Variants in MAP3K13 observed in about 807,000 individuals in gnomAD.
The protein encoded by MAP3K13 is leucine zipper-bearing kinase.
In MAP3K13, 52 loss-of-function variants were observed where a neutral mutation model predicts 104.0. That is an observed-to-expected ratio of 0.50 (90% CI 0.40 to 0.63). The LOEUF is 0.63. Ranked by LOEUF, MAP3K13 falls within the 20% of genes least tolerant of loss-of-function variation. The pLI, the probability that MAP3K13 is intolerant of heterozygous loss-of-function variation, is 0.00. For missense variants in MAP3K13, 914 were observed against 1,218.5 expected (o/e 0.75, Z 3.72); for synonymous variants, 394 against 442.2 (o/e 0.89, Z 1.37).
intron 2 of MAP3K13, among the ~76,000 whole-genome samples, chr3:185,344,577 C>T (rs984536326): frequency 6.6e-6 from 1 of 152,218 alleles, no homozygotes; most frequent in Non-Finnish European, 1.5e-5. Flanking sequence ...ATATCATTAG[C>T]CATTTAATAA....
chr3:185,389,792 ATT>A (rs1711929802), intron 1 of MAP3K13, among the ~76,000 whole-genome samples: 1 of 86,648 alleles, frequency 1.2e-5, no homozygotes, highest in Non-Finnish European at 2.7e-5. Context: ...AAAACAAAAA[ATT>A]TGTTAAGTAT....
chr3:185,361,098 A>G (rs9755002), upstream of MAP3K13, among the ~76,000 whole-genome samples: 1,235 of 146,670 alleles, frequency 8.4e-3, 11 homozygotes, highest in African/African-American at 0.026. Context: ...ATATATATAT[A>G]TGTGTGTGTG....
chr3:185,380,678 T>C (rs1180441689), intron 1 of MAP3K13, among the ~76,000 whole-genome samples: 2 of 152,200 alleles, frequency 1.3e-5, no homozygotes, highest in Non-Finnish European at 2.9e-5. Context: ...TCTCAGACTT[T>C]TAATGTGCCT....
intron 4 of MAP3K13, among the ~76,000 whole-genome samples, chr3:185,446,969 G>A (rs1430648574): frequency 1.3e-5 from 2 of 152,058 alleles, no homozygotes; most frequent in Non-Finnish European, 2.9e-5. Flanking sequence ...TTTTCAGAAA[G>A]GTAGTGCACT....
intron 1 of MAP3K13, among the ~76,000 whole-genome samples, chr3:185,401,685 A>G (rs188601093): frequency 6.6e-6 from 1 of 152,370 alleles, no homozygotes; most frequent in Admixed American, 6.5e-5. Context: ...ACACGTACTT[A>G]TTAAAACATT....
At chr3:185,407,740 G>A (rs941134366) in intron 1 of MAP3K13, among the ~76,000 whole-genome samples, 14 of 151,962 alleles carry the variant, frequency 9.2e-5, no homozygotes, top group Non-Finnish European at 5.9e-5. Context: ...TCCCACACCT[G>A]GCCCCTATTA....
rs1718701934 is a variant in MAP3K13 at position 185,486,042 on chromosome 3, ATG to A, written c.*3588_*3589del. On this transcript the variant is annotated 3_prime_UTR_variant, in exon 14 of 14. Coordinates refer to ENST00000265026, the MANE Select transcript of MAP3K13 (RefSeq NM_004721.5). The stretch of plus-strand genomic sequence containing the variant: ...CTTGGAACAGAGATGCTACAACTCT[ATG>A]TCTTCTTTCTATCCAACATAAAACA... The A allele has an allele frequency of 6.6e-6, 1 of 152,194 alleles. No individual in the cohort carries two copies. The highest frequency in any genetic ancestry group is 1.5e-5 in the Non-Finnish European group (1 of 68,036). 9.4% of individuals were successfully genotyped at this position (152,194 alleles called of 1,614,324 possible).
intron 2 of MAP3K13, among the ~76,000 whole-genome samples, chr3:185,333,581 T>C (rs1251481915): frequency 1.3e-5 from 2 of 152,022 alleles, no homozygotes; most frequent in African/African-American, 2.4e-5. Context: ...ACAGCTAAAA[T>C]AGGTGAAAAT....
At chr3:185,436,315 C>A (rs73885711) in intron 2 of MAP3K13, among the ~76,000 whole-genome samples, 21,909 of 152,058 alleles carry the variant, frequency 0.14, 1,901 homozygotes, top group South Asian at 0.26. Context: ...AATATTCAAA[C>A]TCTAAGGAAA....
intron 2 of MAP3K13, among the ~76,000 whole-genome samples, chr3:185,331,050 C>G (rs1181118904): frequency 6.6e-6 from 1 of 151,310 alleles, no homozygotes; most frequent in African/African-American, 2.4e-5. Context: ...GCACCCTACT[C>G]CACTTCCACC....
chr3:185,443,074 T>C (rs1381757704), intron 3 of MAP3K13, among the ~76,000 whole-genome samples: 1 of 152,068 alleles, frequency 6.6e-6, no homozygotes, highest in African/African-American at 2.4e-5. Context: ...CTCCTGACCC[T>C]GTGATCCACC....
intron 2 of MAP3K13, among the ~76,000 whole-genome samples, chr3:185,346,724 A>G (rs1323216616): frequency 6.6e-6 from 1 of 152,134 alleles, no homozygotes; most frequent in Non-Finnish European, 1.5e-5. Context: ...ACTGATACCT[A>G]TTGCCAAATT....
Position 185,482,239 on chromosome 3 carries a change from C to T in MAP3K13, c.2800-116C>T. ...AAGTCCCACAAGGACAGGACCTGGT[C>T]TCGTTTACCTTTGTAGCCCCCTTAC... On this transcript the variant is annotated intron_variant, in intron 13 of 13. Coordinates refer to ENST00000265026, the MANE Select transcript of MAP3K13 (RefSeq NM_004721.5). The surrounding 1 kb of genome is among the most constrained non-coding windows in gnomAD (Gnocchi z 4.5). 1.4e-6 allele frequency: 1 copy of T among 721,120 alleles called. No individual in the cohort carries two copies. Among genetic ancestry groups the T allele is most frequent in the Non-Finnish European group, 2.5e-6 (1 of 402,092 alleles). 44.7% of individuals were successfully genotyped at this position (721,120 alleles called of 1,614,324 possible).
intron 1 of MAP3K13, chr3:185,417,857 T>C (rs1713875746): frequency 1.9e-6 from 3 of 1,606,760 alleles, no homozygotes; most frequent in African/African-American, 1.3e-5. Flanking sequence ...CGATGAATCT[T>C]CTTGCGTGGT....
In MAP3K13 at chr3:185,428,769, C is replaced by CCGT. The variant is rs745639840; in HGVS notation, c.190_192dup (p.Val64dup). ...GAGCTAATCGAGAGCGTGCACAGCCCCGTCACCACAACAGTGTTGACGAGC... is the reference window on the plus strand; with the variant it reads ...GAGCTAATCGAGAGCGTGCACAGCCCCGTCGTCACCACAACAGTGTTGACGAGC... On this transcript the variant is annotated inframe_insertion, in exon 2 of 14. Coordinates refer to ENST00000265026, the MANE Select transcript of MAP3K13 (RefSeq NM_004721.5). 11 of 1,614,012 alleles carry CCGT rather than the reference C, an allele frequency of 6.8e-6. No individual in the cohort carries two copies. Among genetic ancestry groups the CCGT allele is most frequent in the African/African-American group, 2.7e-5 (2 of 74,884 alleles).
intron 2 of MAP3K13, chr3:185,291,556 T>C: frequency 1.4e-6 from 2 of 1,456,036 alleles, no homozygotes; most frequent in Middle Eastern, 1.8e-4. Context: ...TTAATTTCCC[T>C]TAAAAAAATT....
intron 2 of MAP3K13, among the ~76,000 whole-genome samples, chr3:185,295,785 C>T (rs1720900742): frequency 6.6e-6 from 1 of 152,166 alleles, no homozygotes; most frequent in South Asian, 2.1e-4. Flanking sequence ...AGGGCAATGA[C>T]TGGTGCATGT....
In MAP3K13 at chr3:185,418,830, A is replaced by G; in HGVS notation, c.-85-9667A>G. 6.5e-7 allele frequency: 1 copy of G among 1,543,470 alleles called. No homozygotes were observed. Among genetic ancestry groups the G allele is most frequent in the South Asian group, 1.2e-5 (1 of 84,368 alleles). On this transcript the variant is annotated intron_variant, in intron 1 of 13. Coordinates refer to ENST00000265026, the MANE Select transcript of MAP3K13 (RefSeq NM_004721.5). The surrounding 1 kb of genome is among the most constrained non-coding windows in gnomAD (Gnocchi z 4.5). ...CTCTCAGCCCGGCTGCTGCCACAGG[A>G]AAAGCATGTTCTTGTCTTTTCATCT...
chr3:185,330,894 T>G (rs1722241267), intron 2 of MAP3K13, among the ~76,000 whole-genome samples: 3 of 152,110 alleles, frequency 2.0e-5, no homozygotes, highest in African/African-American at 7.2e-5. Context: ...TGCTTTCTCT[T>G]GAACACATCA....
Sources: allele counts gnomAD v4.1 joint callset (sites outside exome capture counted in the v4.1 genomes callset), GRCh38; gene constraint gnomAD v4.1.1; non-coding constraint Gnocchi (gnomAD v3.1); transcripts MANE v1.5; gene names NCBI Gene and HGNC (gene_info 2026-07-23, HGNC 2026-07-21).